SLC44A5: variants seen among roughly 807,000 people sequenced by gnomAD.
SLC44A5 encodes solute carrier family 44 member 5.
In SLC44A5, 57 loss-of-function variants were observed where a neutral mutation model predicts 101.8. The ratio of observed to expected loss-of-function variants is 0.56; its 90% CI spans 0.45 to 0.70. SLC44A5 has a LOEUF of 0.70. SLC44A5 is among the 30% of genes least tolerant of loss of function. The pLI is 0.00. For synonymous variants in SLC44A5, 281 were observed against 290.9 expected, an observed-to-expected ratio of 0.97 and a Z score of 0.35; for missense variants, 737 against 853.1, an observed-to-expected ratio of 0.86 and a Z score of 1.70.
rs373553918 is a variant in SLC44A5, at chr1:75,609,586, G to A, written c.-70+1454C>T. Among the ~76,000 whole-genome samples, 10 of 151,942 alleles carry A rather than the reference G, an allele frequency of 6.6e-5. No homozygotes were observed. In the East Asian group the frequency reaches 9.7e-4, roughly 15 times the overall value. ...TTTTGGTTCGGTAGTGCTTCAATTT[G>A]GAAAGTATCTTCTAAACTAAATGAA... On this transcript the variant is annotated intron_variant, in intron 1 of 23. Coordinates refer to ENST00000370859, the MANE Select transcript of SLC44A5 (RefSeq NM_001130058.2).
intron 6 of SLC44A5, among the ~76,000 whole-genome samples, chr1:75,256,692 T>C (rs1446057296): frequency 6.6e-6 from 1 of 151,942 alleles, no homozygotes; most frequent in African/African-American, 2.4e-5. Context: ...TTCCAGAAAG[T>C]AAAAGGTGAA....
intron 1 of SLC44A5, among the ~76,000 whole-genome samples, chr1:75,590,308 C>A (rs892027516): frequency 6.6e-6 from 1 of 152,098 alleles, no homozygotes; most frequent in Admixed American, 6.5e-5. Context: ...TCTAGACATA[C>A]CCTGGGCCAG....
chr1:75,209,172 G>T lies in SLC44A5; in HGVS notation c.2047+2296C>A, dbSNP rs116297343. Among the ~76,000 whole-genome samples, 801 of 152,188 alleles carry T rather than the reference G, an allele frequency of 5.3e-3. 5 individuals are homozygous for T. Among genetic ancestry groups the T allele is most frequent in the African/African-American group, 0.018 (761 of 41,516 alleles). ...TGATGTACCTGGCTTTCAAGGAGTTGGCAATTAATAAAGATGGTGGAAAAC... is the reference window on the plus strand; with the variant it reads ...TGATGTACCTGGCTTTCAAGGAGTTTGCAATTAATAAAGATGGTGGAAAAC... On this transcript the variant is annotated intron_variant, in intron 23 of 23. Transcript: ENST00000370859.
At chr1:75,699,695 TA>T in the SLC44A5 span, among the ~76,000 whole-genome samples, 1 of 151,848 alleles carries the variant, frequency 6.6e-6, no homozygotes, top group Non-Finnish European at 1.5e-5. Context: ...ATGCTCCAAT[TA>T]AAAGACACAG....
intron 1 of SLC44A5, among the ~76,000 whole-genome samples, chr1:75,564,600 A>ATTT (rs1324836857): frequency 0.06 from 629 of 10,488 alleles, 8 homozygotes; most frequent in Admixed American, 0.21. Context: ...CTTTTTTTTT[A>ATTT]ATTTTTATTT....
intron 4 of SLC44A5, among the ~76,000 whole-genome samples, chr1:75,335,052 A>AAT (rs1271009120): frequency 3.3e-5 from 5 of 152,224 alleles, no homozygotes; most frequent in Non-Finnish European, 5.9e-5. Context: ...CACCGGTACT[A>AAT]ATTTCTCCAA....
intron 1 of SLC44A5, among the ~76,000 whole-genome samples, chr1:75,554,469 C>CAAAAAA (rs35263222): frequency 1.6e-5 from 2 of 123,418 alleles, no homozygotes; most frequent in Non-Finnish European, 1.7e-5. Context: ...GTGACTCTGT[C>CAAAAAA]AAAAAAAAAA....
the SLC44A5 span, among the ~76,000 whole-genome samples, chr1:75,701,299 T>C: frequency 6.6e-6 from 1 of 152,158 alleles, no homozygotes; most frequent in African/African-American, 2.4e-5. Flanking sequence ...ATCAAAAACC[T>C]TGTCCACCAT....
At chr1:75,419,469 G>C (rs1360544579) in intron 2 of SLC44A5, among the ~76,000 whole-genome samples, 2 of 139,830 alleles carry the variant, frequency 1.4e-5, no homozygotes, top group Non-Finnish European at 3.1e-5. Context: ...GCTAAAGAGA[G>C]AGAAAAAAAA....
chr1:75,566,021 C>T (rs1411687835), intron 1 of SLC44A5, among the ~76,000 whole-genome samples: 6 of 152,164 alleles, frequency 3.9e-5, no homozygotes, highest in African/African-American at 1.4e-4. Context: ...AAATAGCATA[C>T]ATTTCACTTC....
At chr1:75,694,649 C>T in the SLC44A5 span, among the ~76,000 whole-genome samples, 1 of 151,914 alleles carries the variant, frequency 6.6e-6, no homozygotes, top group Non-Finnish European at 1.5e-5. Context: ...TTAGATGTTA[C>T]ATAGAAAAAC....
At chr1:75,630,340 C>A in the SLC44A5 span, among the ~76,000 whole-genome samples, 1 of 152,152 alleles carries the variant, frequency 6.6e-6, no homozygotes, top group Non-Finnish European at 1.5e-5. Flanking sequence ...CCATAGGGTC[C>A]TTATCAAGTC....
At chr1:75,428,386 C>A (rs1664429854) in intron 2 of SLC44A5, among the ~76,000 whole-genome samples, 1 of 152,142 alleles carries the variant, frequency 6.6e-6, no homozygotes, top group African/African-American at 2.4e-5. Context: ...CTGTATTTGT[C>A]CATCAATTAT....
intron 4 of SLC44A5, among the ~76,000 whole-genome samples, chr1:75,308,166 A>G (rs1655045700): frequency 6.6e-6 from 1 of 152,220 alleles, no homozygotes; most frequent in African/African-American, 2.4e-5. Context: ...AAAAAACAGT[A>G]TAATATTGAT....
At chr1:75,557,712 T>C (rs1260797320) in intron 1 of SLC44A5, among the ~76,000 whole-genome samples, 1 of 152,138 alleles carries the variant, frequency 6.6e-6, no homozygotes, top group East Asian at 1.9e-4. Context: ...CCTATACACA[T>C]TTACACTGTA....
At chr1:75,206,620 T>G (rs1207688717) in intron 23 of SLC44A5, 2 of 1,607,368 alleles carry the variant, frequency 1.2e-6, no homozygotes, top group Non-Finnish European at 1.7e-6. Flanking sequence ...CTCTTTCTGC[T>G]TCTGGGGAAC....
intron 2 of SLC44A5, among the ~76,000 whole-genome samples, chr1:75,422,320 G>A (rs933975746): frequency 2.0e-5 from 3 of 152,200 alleles, no homozygotes; most frequent in Non-Finnish European, 2.9e-5. Context: ...CAAGATCATA[G>A]GAGGCCGGAA....
At chr1:75,454,795 A>G (rs1666096157) in intron 2 of SLC44A5, among the ~76,000 whole-genome samples, 1 of 151,958 alleles carries the variant, frequency 6.6e-6, no homozygotes, top group African/African-American at 2.4e-5. Context: ...TTAAAATAAT[A>G]GCACAAAAAT....
At position 75,238,357 on chromosome 1, in the gene SLC44A5, T is replaced by C. The variant is rs111670641; in HGVS notation, c.656+156A>G. Among the ~76,000 whole-genome samples the C allele has an allele frequency of 4.0e-3, 575 of 144,342 alleles. 3 individuals are homozygous for C. Among genetic ancestry groups the C allele is most frequent in the Admixed American group, 7.8e-3 (110 of 14,122 alleles). 94.7% of individuals were successfully genotyped at this position (144,342 alleles called of 152,430 possible). Reference sequence around the variant, plus strand: ...TCTTCTTAATGAATATGTATCAAGCTCTTCAATTCACAGTAACACGTATAT... The same window carrying C: ...TCTTCTTAATGAATATGTATCAAGCCCTTCAATTCACAGTAACACGTATAT... On this transcript the variant is annotated intron_variant, in intron 10 of 23. Transcript: ENST00000370859.
Sources: gnomAD v4.1 joint callset for allele counts (sites outside exome capture counted in the v4.1 genomes callset) on GRCh38, gnomAD v4.1.1 for gene constraint, MANE v1.5 for transcripts, NCBI Gene and HGNC (gene_info 2026-07-23, HGNC 2026-07-21) for gene names.